Variants in MICAL1 observed in about 807,000 individuals in gnomAD.
The protein encoded by MICAL1 is [F-actin]-monooxygenase MICAL1.
MICAL1 carries 95 observed loss-of-function variants against 131.8 expected under a neutral mutation model. The ratio of observed to expected loss-of-function variants is 0.72; its 90% CI spans 0.61 to 0.86. The LOEUF (loss-of-function observed/expected upper bound fraction) is 0.86, where lower values mean the gene tolerates loss of function less well. MICAL1 is among the 40% of genes least tolerant of loss of function. The probability of loss-of-function intolerance (pLI) is 0.00; values close to 1 mark genes in which losing one functional copy is unlikely to be tolerated. For missense variants in MICAL1, 1,292 were observed against 1,380.6 expected, an observed-to-expected ratio of 0.94 and a Z score of 1.02; for synonymous variants, 546 against 554.2, an observed-to-expected ratio of 0.99 and a Z score of 0.21.
chr6:109,452,234 A>G lies in MICAL1; in HGVS notation c.832+12T>C. 4 of 1,604,180 alleles carry G rather than the reference A, an allele frequency of 2.5e-6. No homozygotes were observed. Among genetic ancestry groups the G allele is most frequent in the Non-Finnish European group, 3.4e-6 (4 of 1,173,856 alleles). Reference sequence around the variant, plus strand: ...GCAGGGGGAGGGGAAATTCAGCAAGAGGGTCCCTGACCTGTGGCTTTGAGA... The same window carrying G: ...GCAGGGGGAGGGGAAATTCAGCAAGGGGGTCCCTGACCTGTGGCTTTGAGA... On this transcript the variant is annotated intron_variant, in intron 6 of 24. Transcript: ENST00000358807.
At position 109,452,389 on chromosome 6, in the gene MICAL1, C is replaced by T. The variant is rs746605594; in HGVS notation, c.689G>A (p.Arg230Gln). Residue 230 changes from arginine to glutamine, a missense_variant, in exon 6 of 25, where the codon CGA (arginine) becomes CAA (glutamine). Arg to Gln is a conservative substitution (Grantham distance 43). Transcript: ENST00000358807. ...AATGGCCAGTTTGCCTCGCATTTCTCGAACTTTGAAGCCTAGAGGTGGCGG... is the reference window on the plus strand; with the variant it reads ...AATGGCCAGTTTGCCTCGCATTTCTTGAACTTTGAAGCCTAGAGGTGGCGG... ...GKFVPEGFKV[R>Q]EMRGKLAIGI... The T allele has an allele frequency of 8.1e-6, 13 of 1,613,906 alleles. No individual in the cohort carries two copies. Among genetic ancestry groups the T allele is most frequent in the East Asian group, 4.5e-5 (2 of 44,872 alleles).
rs745637217 is a variant in MICAL1 at position 109,445,523 on chromosome 6, G to A, written c.2680C>T (p.Gln894Ter). The change falls in exon 21 of 25, where the codon CAG (glutamine) becomes TAG (stop). Residue 894 changes from glutamine to a stop codon, truncating the protein, a stop_gained. Transcript: ENST00000358807. LOFTEE classifies it high-confidence loss of function. ...GTGCCTGAGGTCTTGGCAAAGGTCT[G>A]CAGGGCCTATAGGAGGGTCAGGCCA... ...PLDSDVEQAL[Q>*]TFAKTSGTMN... 3.1e-6 allele frequency: 5 copies of A among 1,613,984 alleles called. No homozygotes were observed. In the African/African-American group the frequency reaches 5.3e-5, roughly 17 times the overall value.
rs1219856430 is a variant in MICAL1, at chr6:109,448,339, T to C, written c.1719A>G (p.Leu573=). ...TGCCCAGCTCATTCTCTGCCACCTTTAGTGCCCAAGCAGTTGCTTCCAGAG... is the reference window on the plus strand; with the variant it reads ...TGCCCAGCTCATTCTCTGCCACCTTCAGTGCCCAAGCAGTTGCTTCCAGAG... The part of the protein sequence containing the change: ...LGALEATAWA[L]KVAENELGIT... The change falls in exon 13 of 25, where the codon CTA becomes CTG. Residue 573 remains leucine (L), a synonymous_variant. Coordinates refer to ENST00000358807, the MANE Select transcript of MICAL1 (RefSeq NM_022765.4). 3 of 1,614,012 alleles carry C rather than the reference T, an allele frequency of 1.9e-6. No homozygotes were observed. Among genetic ancestry groups the C allele is most frequent in the Non-Finnish European group, 2.5e-6 (3 of 1,179,992 alleles).
At chr6:109,452,024 G>A (rs901625636) in intron 6 of MICAL1, 10 of 1,405,758 alleles carry the variant, frequency 7.1e-6, no homozygotes, top group Admixed American at 6.2e-5. Context: ...CCCATACACA[G>A]GTTCATCTCT....
At chr6:109,464,791 G>GT (rs943430448) in intron 1 of MICAL1, 1 of 152,158 alleles carries the variant, frequency 6.6e-6, no homozygotes, top group African/African-American at 2.4e-5. Context: ...GGGTGATACA[G>GT]TGAGACCCTG....
At chr6:109,448,595 C>T in intron 12 of MICAL1, 137 bp downstream of exon 12, 1 of 1,383,592 alleles carries the variant, frequency 7.2e-7, no homozygotes, top group Non-Finnish European at 1.0e-6. Context: ...TCACAAAGCT[C>T]TCCACTATCT....
chr6:109,458,430 T>C (rs1775809688), upstream of MICAL1, among the ~76,000 whole-genome samples: 1 of 152,044 alleles, frequency 6.6e-6, no homozygotes, highest in African/African-American at 2.4e-5. Context: ...ACCCCAACTC[T>C]ATGAAAAATA....
Position 109,445,791 on chromosome 6 carries a change from A to G in MICAL1, c.2653T>C (p.Leu885=). The G allele has an allele frequency of 6.2e-7, 1 of 1,611,692 alleles. No homozygotes were observed. The highest frequency in any genetic ancestry group is 1.1e-5 in the South Asian group (1 of 90,474). The change falls in exon 20 of 25, where the codon TTG becomes CTG. Residue 885 remains leucine, a synonymous_variant. Coordinates refer to ENST00000358807, the MANE Select transcript of MICAL1 (RefSeq NM_022765.4). ...SSEEEEEDVP[L]DSDVEQALQT... ...CTCACCTGTTCCACATCTGAGTCCA[A>G]AGGCACATCTTCTTCTTCCTCTTCA...
rs573466152 is a variant in MICAL1 at position 109,449,704 on chromosome 6, C to T, written c.1387G>A (p.Ala463Thr). ...AGGTTCAGGTTGGGGTAGCGGGTGG[C>T]TGGGTCCAGCCCATACTGGGCCACA... ...RNVAQYGLDP[A>T]TRYPNLNLRA... Residue 463 changes from alanine (A) to threonine (T), a missense_variant, in exon 10 of 25, where the codon GCC becomes ACC. By Grantham distance (58) the Ala-to-Thr change is moderately conservative. Transcript: ENST00000358807. 3 of 1,591,666 alleles carry T rather than the reference C, an allele frequency of 1.9e-6. No homozygotes were observed. In the African/African-American group the frequency reaches 4.0e-5, roughly 21 times the overall value.
At chr6:109,465,348 A>T (rs1776007714) in intron 1 of MICAL1, 1 of 364,760 alleles carries the variant, frequency 2.7e-6, no homozygotes, top group Non-Finnish European at 5.0e-6. Flanking sequence ...AAAAGGGCAA[A>T]TTCCCCATAC....
rs1188277012 is a variant in MICAL1 at position 109,447,586 on chromosome 6, G to A, written c.1986+95C>T. ...TGGGGGGGTTACAGGACCTGGGGTG[G>A]GGAACAAGACATGGGATGAGAAATA... On this transcript the variant is annotated intron_variant, in intron 15 of 24. Coordinates refer to ENST00000358807, the MANE Select transcript of MICAL1 (RefSeq NM_022765.4). The A allele has an allele frequency of 1.9e-6, 3 of 1,587,728 alleles. No individual in the cohort carries two copies. The African/African-American group carries it at 4.0e-5, about 21-fold the overall frequency.
rs894114608 is a variant in MICAL1, at chr6:109,465,763, T to C, written c.-86A>G. On this transcript the variant is annotated 5_prime_UTR_variant, in exon 1 of 25. Coordinates refer to the MICAL1 transcript ENST00000630715. The stretch of plus-strand genomic sequence containing the variant: ...CACAGAAGCATCTGCAAGTCAATGG[T>C]GTGGAGAGCCTGATTTCAAGCGTTC... 4.3e-6 allele frequency: 7 copies of C among 1,613,052 alleles called. No homozygotes were observed. In the Admixed American group the frequency reaches 1.0e-4, roughly 23 times the overall value.
In MICAL1 at chr6:109,452,604, G is replaced by A. The variant is rs201545668; in HGVS notation, c.583C>T (p.Arg195Cys). 237 of 1,605,188 alleles carry A rather than the reference G, an allele frequency of 1.5e-4. No homozygotes were observed. The Middle Eastern group carries it at 5.1e-3, about 34-fold the overall frequency. ...GGGGGGTTGGGTTGGAGCTGGGCAC[G>A]CCAGCCACTCCCTAGGGCAGGGGGT... The part of the protein sequence containing the change: ...QPPPRKGSGW[R>C]AQLQPNPPAQ... Residue 195 changes from arginine (R) to cysteine (C), a missense_variant, in exon 5 of 25, where the codon CGT (arginine) becomes TGT (cysteine). Physicochemically the swap from Arg to Cys is radical, Grantham distance 180 (BLOSUM62 -3). Coordinates refer to ENST00000358807, the MANE Select transcript of MICAL1 (RefSeq NM_022765.4).
intron 4 of MICAL1, among the ~76,000 whole-genome samples, chr6:109,453,029 A>T (rs1436747565): frequency 6.6e-6 from 1 of 152,200 alleles, no homozygotes; most frequent in Non-Finnish European, 1.5e-5. Context: ...GCATGGTGGC[A>T]CATGCCTGTA....
chr6:109,461,732 T>C (rs138234713), intron 1 of MICAL1, among the ~76,000 whole-genome samples: 2,751 of 152,248 alleles, frequency 0.018, 94 homozygotes, highest in African/African-American at 0.063. Flanking sequence ...AAATAAATTA[T>C]GTATTTAATA....
At chr6:109,456,492 G>T (rs1342456769), upstream of MICAL1, among the ~76,000 whole-genome samples, 1 of 152,178 alleles carries the variant, frequency 6.6e-6, no homozygotes, top group African/African-American at 2.4e-5. Context: ...ATGGATATGA[G>T]AAGTGAGAGG....
At position 109,450,152 on chromosome 6, in the gene MICAL1, T is replaced by A. The variant is rs1269490232; in HGVS notation, c.1192-67A>T. On this transcript the variant is annotated intron_variant, in intron 8 of 24. Transcript: ENST00000358807. ...AACAGGTGCATCCCAAGCCCAGATA[T>A]CCACCCAGGTCACAGCAGAAGGGGC... 1.0e-5 allele frequency: 16 copies of A among 1,574,836 alleles called. No homozygotes were observed. In the South Asian group the frequency reaches 1.9e-4, roughly 18 times the overall value.
Position 109,453,359 on chromosome 6 carries a change from G to A in MICAL1, c.475C>T (p.Gln159Ter). 1 of 1,613,820 alleles carries A rather than the reference G, an allele frequency of 6.2e-7. No individual in the cohort carries two copies. Among genetic ancestry groups the A allele is most frequent in the South Asian group, 1.1e-5 (1 of 91,090 alleles). Reference protein sequence around the residue: ...TGTLDHISIRQLQLLLLKVAL... With the variant: ...TGTLDHISIR The stretch of plus-strand genomic sequence containing the variant: ...ACCTTCAGCAGAAGCAGCTGGAGCT[G>A]CCTGATGCCTGGAAGGGAGAGGACA... The change falls in exon 4 of 25, where the codon CAG becomes TAG. Residue 159 changes from glutamine (Q) to a stop codon, truncating the protein, a stop_gained. Transcript: ENST00000358807. LOFTEE classifies it high-confidence loss of function.
chr6:109,450,456 C>T lies in MICAL1; in HGVS notation c.1035G>A (p.Lys345=). 3 of 1,613,530 alleles carry T rather than the reference C, an allele frequency of 1.9e-6. No individual in the cohort carries two copies. Among genetic ancestry groups the T allele is most frequent in the Non-Finnish European group, 2.5e-6 (3 of 1,180,012 alleles). Residue 345 remains lysine, a synonymous_variant, in exon 8 of 25, where the codon AAG becomes AAA. Transcript: ENST00000358807. ...CCTGGGCAAACTCTAGTTTCCCGAGCTTGCCATGGGTGGCAAAGTCAGCAG... is the reference window on the plus strand; with the variant it reads ...CCTGGGCAAACTCTAGTTTCCCGAGTTTGCCATGGGTGGCAAAGTCAGCAG... ...RAAADFATHG[K]LGKLEFAQDA...
Sources: gnomAD v4.1 joint callset for allele counts (sites outside exome capture counted in the v4.1 genomes callset) on GRCh38, gnomAD v4.1.1 for gene constraint, MANE v1.5 for transcripts, NCBI Gene and HGNC (gene_info 2026-07-23, HGNC 2026-07-21) for gene names.